The following PCDH7 variants were observed in gnomAD, a reference collection of about 807,000 sequenced individuals.
PCDH7 encodes protocadherin 7.
Under a neutral mutation model 58.9 loss-of-function variants are expected in PCDH7, and 17 were observed. The ratio of observed to expected loss-of-function variants is 0.29; its 90% CI spans 0.20 to 0.43. The LOEUF is 0.43. Among genes scored for constraint, PCDH7 ranks in the 20% least tolerant of loss-of-function variants. PCDH7 has a pLI of 1.00. For missense variants in PCDH7, 1,274 were observed against 1,441.0 expected, an observed-to-expected ratio of 0.88 and a Z score of 1.88; for synonymous variants, 664 against 616.4, an observed-to-expected ratio of 1.08 and a Z score of -1.14.
At position 30,800,309 on chromosome 4, in the gene PCDH7, C is replaced by CAT. The variant is rs542056120; in HGVS notation, c.70+75721_70+75722dup. Among the ~76,000 whole-genome samples, 22 of 152,046 alleles carry CAT rather than the reference C, an allele frequency of 1.4e-4. No homozygotes were observed. The East Asian group carries it at 1.9e-3, about 13-fold the overall frequency. ...TATTTTGGATATACACATGCAAACA[C>CAT]ATATATATACACATACATTTGTATA... On this transcript the variant is annotated intron_variant, in intron 1 of 3. Transcript: ENST00000509759.
chr4:31,146,623 G>A (rs915500648), downstream of PCDH7: 3 of 152,014 alleles, frequency 2.0e-5, no homozygotes, highest in African/African-American at 7.2e-5. Flanking sequence ...ATTTATCATC[G>A]TTTATTATGA....
intron 3 of PCDH7, among the ~76,000 whole-genome samples, chr4:30,958,206 C>T (rs1748050977): frequency 6.6e-6 from 1 of 151,932 alleles, no homozygotes; most frequent in Non-Finnish European, 1.5e-5. Context: ...GGAATGGAAA[C>T]ACAAGAAATT....
chr4:30,847,233 A>G (rs1028411715), intron 1 of PCDH7, among the ~76,000 whole-genome samples: 10 of 151,980 alleles, frequency 6.6e-5, no homozygotes, highest in Admixed American at 6.6e-4. Flanking sequence ...CCTCTTTTTT[A>G]TGTGGTGGAT....
intron 1 of PCDH7, among the ~76,000 whole-genome samples, chr4:30,774,001 A>G (rs576874585): frequency 1.1e-4 from 16 of 152,274 alleles, no homozygotes; most frequent in African/African-American, 3.6e-4. Context: ...TTGGTACCAC[A>G]TGCTTCTAAG....
chr4:30,948,972 T>C (rs1447816170), intron 2 of PCDH7, among the ~76,000 whole-genome samples: 1 of 152,154 alleles, frequency 6.6e-6, no homozygotes, highest in Admixed American at 6.5e-5. Context: ...TGATAGCTGC[T>C]TTCCCAAACA....
chr4:31,053,468 C>T (rs1043242256), intron 3 of PCDH7, among the ~76,000 whole-genome samples: 2 of 152,168 alleles, frequency 1.3e-5, no homozygotes, highest in Non-Finnish European at 2.9e-5. Flanking sequence ...GATGTCCTGG[C>T]TCACACCTGT....
At chr4:31,116,034 T>TA (rs897716318) in intron 3 of PCDH7, among the ~76,000 whole-genome samples, 1 of 152,182 alleles carries the variant, frequency 6.6e-6, no homozygotes, top group Non-Finnish European at 1.5e-5. Flanking sequence ...TAGAATATAT[T>TA]AAAATCCCTG....
At chr4:30,956,539 A>G (rs1747882217) in intron 3 of PCDH7, among the ~76,000 whole-genome samples, 1 of 152,138 alleles carries the variant, frequency 6.6e-6, no homozygotes, top group Non-Finnish European at 1.5e-5. Flanking sequence ...CTACTTCTTT[A>G]TTGAAGTATA....
chr4:30,889,807 T>C (rs1426821159), intron 1 of PCDH7, among the ~76,000 whole-genome samples: 1 of 152,180 alleles, frequency 6.6e-6, no homozygotes, highest in African/African-American at 2.4e-5. Context: ...CATCTCTTAA[T>C]ACCATCACAT....
intron 3 of PCDH7, among the ~76,000 whole-genome samples, chr4:31,078,639 ATTTTTTTTT>A (rs10709152): frequency 2.7e-5 from 2 of 73,564 alleles, no homozygotes; most frequent in Non-Finnish European, 4.9e-5. Flanking sequence ...ACCATGCCCC[ATTTTTTTTT>A]TTTTTTTTTT....
At chr4:31,101,144 A>T (rs1714843461) in intron 3 of PCDH7, among the ~76,000 whole-genome samples, 1 of 152,130 alleles carries the variant, frequency 6.6e-6, no homozygotes, top group African/African-American at 2.4e-5. Context: ...AAATCCAGAT[A>T]GAAATGAAAG....
rs530363877 is a variant in PCDH7 at position 31,006,566 on chromosome 4, C to T, written c.*7+56351C>T. On this transcript the variant is annotated intron_variant, in intron 3 of 3. Transcript: ENST00000509759. Reference sequence around the variant, plus strand: ...GTAGGAAGTTTCACGGTTGCAGTCACGTATAATGTGAGTTTAACTCATGCT... The same window carrying T: ...GTAGGAAGTTTCACGGTTGCAGTCATGTATAATGTGAGTTTAACTCATGCT... Among the ~76,000 whole-genome samples, 7 of 152,140 alleles carry T rather than the reference C, an allele frequency of 4.6e-5. No individual in the cohort carries two copies. In the East Asian group the frequency reaches 9.7e-4, roughly 21 times the overall value.
chr4:30,867,660 T>C (rs974209726), intron 1 of PCDH7, among the ~76,000 whole-genome samples: 21 of 152,066 alleles, frequency 1.4e-4, no homozygotes, highest in Non-Finnish European at 1.9e-4. Flanking sequence ...ACAGAAGGTT[T>C]GGTGATTCAC....
chr4:31,060,290 C>T (rs1456275323), intron 3 of PCDH7, among the ~76,000 whole-genome samples: 2 of 151,634 alleles, frequency 1.3e-5, no homozygotes, highest in Admixed American at 6.6e-5. Flanking sequence ...TGACTAAGAC[C>T]GTACTCACTG....
rs115430369 is a variant in PCDH7 at position 31,094,769 on chromosome 4, T to G, written c.*8-47704T>G. Among the ~76,000 whole-genome samples the G allele has an allele frequency of 3.5e-3, 537 of 151,738 alleles. 3 individuals are homozygous for G. The highest frequency in any genetic ancestry group is 0.012 in the African/African-American group (494 of 41,022). ...GCTGAAGTCTGCTCTTCTGATACAT[T>G]TCCTGCAGCCCATACACATTTCCTT... On this transcript the variant is annotated intron_variant, in intron 3 of 3. Coordinates refer to the PCDH7 transcript ENST00000509759.
intron 3 of PCDH7, among the ~76,000 whole-genome samples, chr4:31,123,946 G>C (rs1385444839): frequency 6.6e-6 from 1 of 152,114 alleles, no homozygotes; most frequent in Non-Finnish European, 1.5e-5. Flanking sequence ...CCAATGTCCA[G>C]CTGCCTCTTC....
intron 1 of PCDH7, among the ~76,000 whole-genome samples, chr4:30,918,454 A>T (rs1008536105): frequency 7.2e-5 from 11 of 152,172 alleles, no homozygotes; most frequent in East Asian, 1.9e-4. Context: ...TATTTTTTTT[A>T]AAATACAGGG....
chr4:31,103,752 G>T (rs1007691369), intron 3 of PCDH7, among the ~76,000 whole-genome samples: 1 of 152,124 alleles, frequency 6.6e-6, no homozygotes, highest in Non-Finnish European at 1.5e-5. Flanking sequence ...GAATATGACT[G>T]TTCCTCCAAT....
At chr4:31,004,959 C>T (rs1204552045) in intron 3 of PCDH7, among the ~76,000 whole-genome samples, 1 of 151,944 alleles carries the variant, frequency 6.6e-6, no homozygotes, top group African/African-American at 2.4e-5. Flanking sequence ...GAAACACACA[C>T]GAAAAAAACA....
Sources: gnomAD v4.1 joint callset for allele counts (sites outside exome capture counted in the v4.1 genomes callset) on GRCh38, gnomAD v4.1.1 for gene constraint, MANE v1.5 for transcripts, NCBI Gene and HGNC (gene_info 2026-07-23, HGNC 2026-07-21) for gene names.